Variants in SPRED2 observed in about 807,000 individuals in gnomAD.
SPRED2 encodes the protein sprouty-related, EVH1 domain-containing protein 2.
Under a neutral mutation model 43.0 loss-of-function variants are expected in SPRED2, and 47 were observed. The observed-to-expected ratio is 1.09, with a 90% CI of 0.87 to 1.40. SPRED2 has a LOEUF of 1.40. Ranked by LOEUF, SPRED2 falls within the 40% of genes most tolerant of loss-of-function variation. The pLI, the probability that SPRED2 is intolerant of heterozygous loss-of-function variation, is 0.00. For synonymous variants in SPRED2, 225 were observed against 225.7 expected, an observed-to-expected ratio of 1.00 and a Z score of 0.03; for missense variants, 561 against 586.4, an observed-to-expected ratio of 0.96 and a Z score of 0.45.
chr2:65,353,556 T>G (rs1674569218), intron 1 of SPRED2, among the ~76,000 whole-genome samples: 1 of 152,214 alleles, frequency 6.6e-6, no homozygotes, highest in African/African-American at 2.4e-5. Flanking sequence ...GTTTTCCTAT[T>G]GAAATTTTAA....
intron 1 of SPRED2, among the ~76,000 whole-genome samples, chr2:65,412,188 C>T (rs1177514542): frequency 6.6e-6 from 1 of 151,564 alleles, no homozygotes; most frequent in East Asian, 1.9e-4. Context: ...GATGCAATGA[C>T]AATTTAGGAG....
chr2:65,378,434 C>T (rs1224598604), intron 1 of SPRED2, among the ~76,000 whole-genome samples: 1 of 152,168 alleles, frequency 6.6e-6, no homozygotes, highest in Non-Finnish European at 1.5e-5. Context: ...CAGTCCACCC[C>T]CTCCATACAA....
chr2:65,412,972 G>A (rs774950416), intron 1 of SPRED2, among the ~76,000 whole-genome samples: 17 of 152,118 alleles, frequency 1.1e-4, no homozygotes, highest in Non-Finnish European at 2.2e-4. Context: ...GGCACTATAA[G>A]CAGATCATTC....
At chr2:65,398,637 T>G (rs1002606512) in intron 1 of SPRED2, among the ~76,000 whole-genome samples, 5 of 152,146 alleles carry the variant, frequency 3.3e-5, no homozygotes, top group Non-Finnish European at 7.3e-5. Context: ...TCACTAATTA[T>G]CAGGGCAATG....
chr2:65,366,692 G>T, intron 1 of SPRED2: 1 of 1,534,808 alleles, frequency 6.5e-7, no homozygotes, highest in South Asian at 1.2e-5. Context: ...GTCTCTTGCT[G>T]ACCTGAGAAC....
At position 65,345,260 on chromosome 2, in the gene SPRED2, T is replaced by G. The variant is rs955026034; in HGVS notation, c.27-364A>C. 7.3e-4 allele frequency among the ~76,000 whole-genome samples: 13 copies of G among 17,786 alleles called. No homozygotes were observed. The African/African-American group carries it at 8.3e-3, about 11-fold the overall frequency. 11.7% of individuals were successfully genotyped at this position (17,786 alleles called of 152,430 possible). A position where few individuals can be genotyped will look rare whatever the true frequency, so the allele number is the denominator to read the frequency against. ...CACCTATTTTGGTTTTTAGTTGTTG[T>G]TTTTTTTTTTTTTTTTTTTTGAGAC... On this transcript the variant is annotated intron_variant, in intron 1 of 5. Coordinates refer to ENST00000356388, the MANE Select transcript of SPRED2 (RefSeq NM_181784.3).
chr2:65,316,347 T>C (rs1219450766), intron 5 of SPRED2, among the ~76,000 whole-genome samples: 1 of 152,228 alleles, frequency 6.6e-6, no homozygotes, highest in East Asian at 1.9e-4. Flanking sequence ...GGAGGCCCTT[T>C]GGACAGAGGA....
At chr2:65,401,947 A>G (rs1212472864) in intron 1 of SPRED2, among the ~76,000 whole-genome samples, 2,786 of 145,584 alleles carry the variant, frequency 0.019, 72 homozygotes, top group African/African-American at 0.06. Context: ...GCACACACAC[A>G]CACACACACA....
chr2:65,406,335 AATT>A (rs1411809191), intron 1 of SPRED2, among the ~76,000 whole-genome samples: 4 of 152,156 alleles, frequency 2.6e-5, no homozygotes, highest in African/African-American at 9.7e-5. Context: ...CCATTCTTAT[AATT>A]TACTCTTTAT....
chr2:65,424,583 C>T (rs937950940), intron 1 of SPRED2, among the ~76,000 whole-genome samples: 1 of 151,960 alleles, frequency 6.6e-6, no homozygotes, highest in African/African-American at 2.4e-5. Context: ...GCCATGATTG[C>T]ACCCCTGCAC....
At chr2:65,308,898 A>C (rs956190719), downstream of SPRED2, among the ~76,000 whole-genome samples, 2 of 152,112 alleles carry the variant, frequency 1.3e-5, no homozygotes, top group Non-Finnish European at 1.5e-5. Context: ...CACACCTGTA[A>C]TCCCAACACT....
At chr2:65,349,563 CTT>C (rs1674449433) in intron 1 of SPRED2, among the ~76,000 whole-genome samples, 1 of 152,194 alleles carries the variant, frequency 6.6e-6, no homozygotes, top group Admixed American at 6.5e-5. Flanking sequence ...CTGTGCACCT[CTT>C]GTTAAAACAT....
At chr2:65,360,101 A>AAAAAAAAAAAAC (rs1674768331) in intron 1 of SPRED2, among the ~76,000 whole-genome samples, 1 of 12,614 alleles carries the variant, frequency 7.9e-5, no homozygotes, top group Non-Finnish European at 3.0e-4. Context: ...AAAAAAAAAC[A>AAAAAAAAAAAAC]AAAAAAAAAA....
chr2:65,327,713 CTTTTTTTTTTTTTTTTT>C (rs555549300), intron 4 of SPRED2, among the ~76,000 whole-genome samples: 9 of 74,468 alleles, frequency 1.2e-4, no homozygotes, highest in Admixed American at 6.1e-4. Flanking sequence ...TTCTTTCTTT[CTTTTTTTTTTTTTTTTT>C]TTTTTTTTTT....
intron 2 of SPRED2, chr2:65,344,458 TAATC>T (rs1674280528): frequency 1.2e-5 from 7 of 582,098 alleles, no homozygotes; most frequent in South Asian, 5.0e-5. Flanking sequence ...ATAGACATCT[TAATC>T]AAAGATGCAA....
intron 1 of SPRED2, chr2:65,366,564 A>C: frequency 6.5e-7 from 1 of 1,548,390 alleles, no homozygotes. Flanking sequence ...GAAAAAATAA[A>C]GTTCATGTAA....
At chr2:65,427,430 A>G (rs564675384) in intron 1 of SPRED2, among the ~76,000 whole-genome samples, 3 of 152,316 alleles carry the variant, frequency 2.0e-5, no homozygotes, top group South Asian at 4.1e-4. Flanking sequence ...ACTCATGTAT[A>G]GTAGAACCAT....
chr2:65,384,142 C>T (rs182480985), intron 1 of SPRED2, among the ~76,000 whole-genome samples: 1 of 152,050 alleles, frequency 6.6e-6, no homozygotes, highest in African/African-American at 2.4e-5. Flanking sequence ...CTCTCGGCCT[C>T]CTTCCCAGTG....
intron 1 of SPRED2, among the ~76,000 whole-genome samples, chr2:65,393,524 AG>A (rs1467870651): frequency 6.6e-6 from 1 of 151,840 alleles, no homozygotes; most frequent in African/African-American, 2.4e-5. Flanking sequence ...TAGTAGAGAC[AG>A]GGTTTCATCA....
Sources: allele counts gnomAD v4.1 joint callset (sites outside exome capture counted in the v4.1 genomes callset), GRCh38; gene constraint gnomAD v4.1.1; transcripts MANE v1.5; gene names NCBI Gene and HGNC (gene_info 2026-07-23, HGNC 2026-07-21).